SLC18A1: variants seen among roughly 807,000 people sequenced by gnomAD.
The protein encoded by SLC18A1 is chromaffin granule amine transporter.
In SLC18A1, 69 loss-of-function variants were observed where a neutral mutation model predicts 53.7. The ratio of observed to expected loss-of-function variants is 1.28; its 90% CI spans 1.06 to 1.57. SLC18A1 has a LOEUF of 1.57. SLC18A1 is among the 40% of genes most tolerant of loss of function. The pLI, the probability that SLC18A1 is intolerant of heterozygous loss-of-function variation, is 0.00. For missense variants in SLC18A1, 932 were observed against 668.1 expected (o/e 1.40, Z -4.35); for synonymous variants, 320 against 248.1 (o/e 1.29, Z -2.72).
rs147670749 is a variant in SLC18A1, at chr8:20,145,327, C to T, written c.*436G>A. On this transcript the variant is annotated 3_prime_UTR_variant, in exon 16 of 16. Transcript: ENST00000276373. ...GGCTGGGAAAACCCGGGAAAGAACA[C>T]GTTGAGGAAAAGAGGGTAACACTCT... 998 of 153,128 alleles carry T rather than the reference C, an allele frequency of 6.5e-3. 9 individuals carry two copies. The highest frequency in any genetic ancestry group is 0.023 in the African/African-American group (961 of 41,508). The allele number at this position is 153,128 out of a possible 1,614,324, so 9.5% of individuals were successfully genotyped here.
At chr8:20,182,697 A>G (rs967005256) in intron 1 of SLC18A1, among the ~76,000 whole-genome samples, 6 of 152,250 alleles carry the variant, frequency 3.9e-5, no homozygotes, top group Non-Finnish European at 8.8e-5. Context: ...TCTCACTACT[A>G]CATATTAACG....
chr8:20,173,209 T>C (rs1420624672), intron 5 of SLC18A1, 81 bp from the exon 6 acceptor site: 2 of 986,650 alleles, frequency 2.0e-6, no homozygotes, highest in Non-Finnish European at 3.0e-6. Context: ...CACCCTGTTA[T>C]CTCTTCAGTG....
chr8:20,165,605 G>A (rs879514822), intron 8 of SLC18A1, among the ~76,000 whole-genome samples: 6 of 152,108 alleles, frequency 3.9e-5, no homozygotes, highest in Non-Finnish European at 5.9e-5. Context: ...CTGAACTAAG[G>A]TAGAAGAAGC....
chr8:20,172,481 G>C (rs1359589211), intron 6 of SLC18A1, among the ~76,000 whole-genome samples: 4 of 152,164 alleles, frequency 2.6e-5, no homozygotes, highest in Non-Finnish European at 5.9e-5. Flanking sequence ...ATAAGTGAAA[G>C]CATGTAGCTT....
At chr8:20,148,594 G>T in intron 12 of SLC18A1, 2 of 585,052 alleles carry the variant, frequency 3.4e-6, no homozygotes, top group Non-Finnish European at 5.8e-6. Context: ...GGTGTGGCTT[G>T]GGTCCCCTGT....
Position 20,147,257 on chromosome 8 carries a change from C to T in SLC18A1, c.1464+1G>A. ...CTCTTTTAACAGTCGGTGCTCCTTA[C>T]AAGCTTCTCTTCCTTTGCCGGGGGG... On this transcript the variant is annotated splice_donor_variant, in intron 15 of 15. Coordinates refer to ENST00000276373, the MANE Select transcript of SLC18A1 (RefSeq NM_003053.4). LOFTEE classifies it high-confidence loss of function. 1.3e-6 allele frequency: 2 copies of T among 1,595,752 alleles called. No individual in the cohort carries two copies. Among genetic ancestry groups the T allele is most frequent in the Non-Finnish European group, 1.7e-6 (2 of 1,174,246 alleles).
chr8:20,146,293 A>T (rs1308465849), intron 15 of SLC18A1, among the ~76,000 whole-genome samples: 1 of 152,072 alleles, frequency 6.6e-6, no homozygotes, highest in Non-Finnish European at 1.5e-5. Context: ...ATTGCTAAGT[A>T]CTCAAGAAAC....
chr8:20,178,743 T>G (rs909427173), intron 3 of SLC18A1, among the ~76,000 whole-genome samples: 1 of 152,032 alleles, frequency 6.6e-6, no homozygotes, highest in South Asian at 2.1e-4. Flanking sequence ...GTGGAGTGTA[T>G]ATCTCTTGAA....
chr8:20,179,409 C>T lies in SLC18A1; in HGVS notation c.200G>A (p.Gly67Glu), dbSNP rs775810295. 1 of 1,614,048 alleles carries T rather than the reference C, an allele frequency of 6.2e-7. No individual in the cohort carries two copies. Among genetic ancestry groups the T allele is most frequent in the Admixed American group, 1.7e-5 (1 of 60,010 alleles). The part of the protein sequence containing the change: ...VNSSLHLGHA[G>E]SSPHALASPA... ...AGAGGCGAGGGCATGTGGGGAACTTCCGGCATGGCCGAGGTGCAGAGAAGA... is the reference window on the plus strand; with the variant it reads ...AGAGGCGAGGGCATGTGGGGAACTTTCGGCATGGCCGAGGTGCAGAGAAGA... Residue 67 changes from glycine to glutamate, a missense_variant, in exon 3 of 16, where the codon GGA becomes GAA. Physicochemically the swap from Gly to Glu is moderately conservative, Grantham distance 98 (BLOSUM62 -2). Coordinates refer to ENST00000276373, the MANE Select transcript of SLC18A1 (RefSeq NM_003053.4).
At chr8:20,166,139 T>C (rs1167523906) in intron 8 of SLC18A1, among the ~76,000 whole-genome samples, 3 of 151,796 alleles carry the variant, frequency 2.0e-5, no homozygotes, top group Admixed American at 6.6e-5. Context: ...TAAAGATTAA[T>C]GACAACATTA....
At chr8:20,171,741 G>A (rs1432653129) in intron 6 of SLC18A1, among the ~76,000 whole-genome samples, 1 of 151,876 alleles carries the variant, frequency 6.6e-6, no homozygotes, top group Non-Finnish European at 1.5e-5. Context: ...TGTGTGTGTA[G>A]GGAGGGACAC....
chr8:20,148,563 TG>T, intron 12 of SLC18A1: 1 of 934,500 alleles, frequency 1.1e-6, no homozygotes, highest in Non-Finnish European at 1.5e-6. Flanking sequence ...ACCAGTTAGC[TG>T]TAAGCTAGAG....
chr8:20,174,022 A>G (rs934747914), intron 5 of SLC18A1, among the ~76,000 whole-genome samples: 1 of 151,036 alleles, frequency 6.6e-6, no homozygotes, highest in Non-Finnish European at 1.5e-5. Flanking sequence ...TTAGCCTCCC[A>G]AGTAGCTGGG....
Position 20,164,976 on chromosome 8 carries a change from G to A in SLC18A1, c.920-12C>T, listed in dbSNP as rs551568664. 1 of 1,613,894 alleles carries A rather than the reference G, an allele frequency of 6.2e-7. No homozygotes were observed. The highest frequency in any genetic ancestry group is 2.2e-5 in the East Asian group (1 of 44,870). On this transcript the variant is annotated splice_polypyrimidine_tract_variant and intron_variant, in intron 9 of 15. Transcript: ENST00000276373. ...AAAGCAGATGGACCCTGGGGAGACT[G>A]TTCTGTGAGCAGCCGTGGCTGCTTG...
intron 7 of SLC18A1, 56 bp from the exon 8 acceptor site, chr8:20,171,202 C>G: frequency 6.4e-7 from 1 of 1,568,430 alleles, no homozygotes; most frequent in Non-Finnish European, 8.8e-7. Flanking sequence ...GCTGGGGGCT[C>G]CAATAACAGC....
chr8:20,171,192 G>C (rs767987506), intron 7 of SLC18A1, 46 bp from the exon 8 acceptor site: 1 of 1,604,076 alleles, frequency 6.2e-7, no homozygotes, highest in Non-Finnish European at 8.5e-7. Flanking sequence ...CTACTGATTA[G>C]CTGGGGGCTC....
intron 8 of SLC18A1, 111 bp downstream of exon 8, chr8:20,170,992 G>C (rs938603835): frequency 1.9e-6 from 2 of 1,030,192 alleles, no homozygotes; most frequent in Middle Eastern, 2.5e-4. Flanking sequence ...TCTCACTTTC[G>C]CTGACCCTAT....
chr8:20,148,342 G>T, intron 12 of SLC18A1: 2 of 725,166 alleles, frequency 2.8e-6, no homozygotes, highest in Non-Finnish European at 4.1e-6. Context: ...CTCAGACTTG[G>T]CTCCATTATG....
At chr8:20,166,287 GTCTATATA>G (rs1193998250) in intron 8 of SLC18A1, among the ~76,000 whole-genome samples, 2 of 78,998 alleles carry the variant, frequency 2.5e-5, no homozygotes, top group African/African-American at 1.1e-4. Flanking sequence ...GTGTGTGTGT[GTCTATATA>G]TATATATATA....
Sources: allele counts gnomAD v4.1 joint callset (sites outside exome capture counted in the v4.1 genomes callset), GRCh38; gene constraint gnomAD v4.1.1; transcripts MANE v1.5; gene names NCBI Gene and HGNC (gene_info 2026-07-23, HGNC 2026-07-21).